Variants in LINGO2 observed in about 807,000 individuals in gnomAD.
LINGO2 encodes the protein leucine-rich repeat and immunoglobulin-like domain-containing nogo receptor-interacting protein 2.
A neutral mutation model predicts 30.6 loss-of-function variants in LINGO2; 14 were observed. The observed-to-expected ratio is 0.46, with a 90% CI of 0.30 to 0.72. LINGO2 has a LOEUF of 0.72. Among genes scored for constraint, LINGO2 ranks in the 30% least tolerant of loss-of-function variants. The probability of loss-of-function intolerance (pLI) is 0.07; values close to 1 mark genes in which losing one functional copy is unlikely to be tolerated. For missense variants in LINGO2, 729 were observed against 751.7 expected (o/e 0.97, Z 0.35); for synonymous variants, 317 against 288.5 (o/e 1.10, Z -1.00).
At chr9:29,009,656 T>C in the LINGO2 span, among the ~76,000 whole-genome samples, 9 of 152,302 alleles carry the variant, frequency 5.9e-5, no homozygotes, top group South Asian at 1.5e-3. Context: ...CCAATGACTT[T>C]CTTCACAGAA....
At chr9:28,892,540 T>C in the LINGO2 span, among the ~76,000 whole-genome samples, 2 of 152,048 alleles carry the variant, frequency 1.3e-5, no homozygotes, top group East Asian at 1.9e-4. Flanking sequence ...ACAAAAACTA[T>C]ATACACAACT....
the LINGO2 span, among the ~76,000 whole-genome samples, chr9:28,769,528 T>A: frequency 3.3e-4 from 1 of 3,026 alleles, no homozygotes; most frequent in African/African-American, 5.2e-4. Flanking sequence ...ATTTTTTTTT[T>A]TTTTTTTTTT....
intron 3 of LINGO2, among the ~76,000 whole-genome samples, chr9:28,327,231 T>A (rs1825263643): frequency 6.6e-6 from 1 of 152,130 alleles, no homozygotes; most frequent in Admixed American, 6.5e-5. Flanking sequence ...GAGCAATAAA[T>A]TACTATTGTT....
chr9:28,985,077 T>C, the LINGO2 span, among the ~76,000 whole-genome samples: 361 of 152,250 alleles, frequency 2.4e-3, 4 homozygotes, highest in African/African-American at 8.1e-3. Flanking sequence ...TTCTATGAGT[T>C]TGACTGTTTT....
rs149954217 is a variant in LINGO2, at chr9:28,296,487, G to A, written c.-245-1121C>T. ...ATTCATGGACACAGGTGCAAAAACT[G>A]ATTTTAACAAGCAACAAAATAATAA... On this transcript the variant is annotated intron_variant, in intron 3 of 5. Transcript: ENST00000379992. Among the ~76,000 whole-genome samples, 544 of 152,254 alleles carry A rather than the reference G, an allele frequency of 3.6e-3. 5 individuals are homozygous for A. Among genetic ancestry groups the A allele is most frequent in the African/African-American group, 0.012 (502 of 41,558 alleles).
chr9:28,383,195 G>T (rs987344807), intron 2 of LINGO2, among the ~76,000 whole-genome samples: 1 of 151,664 alleles, frequency 6.6e-6, no homozygotes, highest in Non-Finnish European at 1.5e-5. Flanking sequence ...GCCCACGTGG[G>T]TTGCTAGCAG....
At chr9:28,778,848 A>C in the LINGO2 span, among the ~76,000 whole-genome samples, 48 of 152,284 alleles carry the variant, frequency 3.2e-4, no homozygotes, top group African/African-American at 1.1e-3. Flanking sequence ...TTGAAAACAC[A>C]AAAAAAGTTA....
chr9:28,873,670 A>C, the LINGO2 span, among the ~76,000 whole-genome samples: 1 of 152,040 alleles, frequency 6.6e-6, no homozygotes, highest in African/African-American at 2.4e-5. Context: ...TTTTATTTTA[A>C]TTATTCAAGT....
intron 4 of LINGO2, among the ~76,000 whole-genome samples, chr9:28,157,791 C>A (rs1330147276): frequency 1.3e-5 from 2 of 152,148 alleles, no homozygotes; most frequent in African/African-American, 4.8e-5. Flanking sequence ...AGGGCAGGGG[C>A]AAAATGCCAC....
intron 3 of LINGO2, among the ~76,000 whole-genome samples, chr9:28,298,596 T>C (rs1384459177): frequency 6.6e-6 from 1 of 151,420 alleles, no homozygotes; most frequent in Non-Finnish European, 1.5e-5. Context: ...GGCAGGAGAA[T>C]TGCTTGAACC....
chr9:28,025,142 C>T (rs1385079121), intron 4 of LINGO2, among the ~76,000 whole-genome samples: 1 of 152,122 alleles, frequency 6.6e-6, no homozygotes, highest in Admixed American at 6.6e-5. Flanking sequence ...AAACGCAGGT[C>T]ACTGCTTGCT....
the LINGO2 span, among the ~76,000 whole-genome samples, chr9:28,987,301 A>G: frequency 2.0e-5 from 3 of 151,786 alleles, no homozygotes; most frequent in East Asian, 1.9e-4. Flanking sequence ...GAATTTATCT[A>G]TTTCTTCTAG....
At chr9:27,961,191 C>T (rs1819827882) in intron 5 of LINGO2, among the ~76,000 whole-genome samples, 1 of 152,132 alleles carries the variant, frequency 6.6e-6, no homozygotes, top group Non-Finnish European at 1.5e-5. Context: ...GTTGTGAGCA[C>T]ATATAAGTTA....
intron 2 of LINGO2, among the ~76,000 whole-genome samples, chr9:28,423,347 G>C (rs1328564082): frequency 1.3e-5 from 2 of 151,430 alleles, no homozygotes; most frequent in African/African-American, 4.9e-5. Context: ...AAGAAATAAG[G>C]GAAAAAAAAT....
the LINGO2 span, among the ~76,000 whole-genome samples, chr9:28,744,240 G>C: frequency 2.6e-5 from 4 of 151,768 alleles, no homozygotes; most frequent in East Asian, 7.7e-4. Flanking sequence ...CAGTGTCATA[G>C]TAACTTCCTT....
chr9:28,681,815 C>T, the LINGO2 span, among the ~76,000 whole-genome samples: 1 of 152,084 alleles, frequency 6.6e-6, no homozygotes, highest in Non-Finnish European at 1.5e-5. Context: ...AAAGAAAAAT[C>T]TACAGCAGAG....
the LINGO2 span, among the ~76,000 whole-genome samples, chr9:28,968,292 TG>T: frequency 1.3e-5 from 2 of 152,090 alleles, no homozygotes; most frequent in Admixed American, 1.3e-4. Context: ...AAAACTGGAG[TG>T]GCTGGGCTAT....
chr9:28,228,658 T>A (rs547793214), intron 4 of LINGO2, among the ~76,000 whole-genome samples: 1 of 151,916 alleles, frequency 6.6e-6, no homozygotes, highest in Non-Finnish European at 1.5e-5. Flanking sequence ...TAGAGAGATA[T>A]GTTATAAAAT....
chr9:28,025,880 G>A (rs2119417920), intron 4 of LINGO2, among the ~76,000 whole-genome samples: 1 of 152,270 alleles, frequency 6.6e-6, no homozygotes, highest in South Asian at 2.1e-4. Flanking sequence ...GTCTACACAT[G>A]TAGTGCCAAA....
Sources: gnomAD v4.1 joint callset for allele counts (sites outside exome capture counted in the v4.1 genomes callset) on GRCh38, gnomAD v4.1.1 for gene constraint, MANE v1.5 for transcripts, NCBI Gene and HGNC (gene_info 2026-07-23, HGNC 2026-07-21) for gene names.